Variants in TCF20 observed in about 807,000 individuals in gnomAD.
TCF20 encodes SPRE-binding protein.
A neutral mutation model predicts 148.6 loss-of-function variants in TCF20; 3 were observed. That is an observed-to-expected ratio of 0.02 (90% CI 0.01 to 0.05). The LOEUF (loss-of-function observed/expected upper bound fraction) is 0.05. TCF20 is among the 10% of genes least tolerant of loss of function. The pLI, the probability that TCF20 is intolerant of heterozygous loss-of-function variation, is 1.00. For missense variants in TCF20, 2,350 were observed against 2,429.3 expected, an observed-to-expected ratio of 0.97 and a Z score of 0.69; for synonymous variants, 1,049 against 909.5, an observed-to-expected ratio of 1.15 and a Z score of -2.76.
chr22:42,171,245 T>A (rs1936117662), intron 3 of TCF20, among the ~76,000 whole-genome samples: 1 of 152,196 alleles, frequency 6.6e-6, no homozygotes. Flanking sequence ...GGTGGCAGAA[T>A]GTTAATAAAT....
At chr22:42,181,959 G>T (rs977144288) in intron 2 of TCF20, among the ~76,000 whole-genome samples, 2 of 152,158 alleles carry the variant, frequency 1.3e-5, no homozygotes, top group African/African-American at 4.8e-5. Flanking sequence ...CGCAGCCTCT[G>T]TGAGGATTAG....
chr22:42,181,547 G>T (rs1030227458), intron 2 of TCF20, among the ~76,000 whole-genome samples: 13 of 151,752 alleles, frequency 8.6e-5, no homozygotes, highest in African/African-American at 3.1e-4. Flanking sequence ...TTTCTGGTAG[G>T]AAAGTCTGCA....
rs983934737 is a variant in TCF20, at chr22:42,290,408, T to C, written c.-37+53071A>G. ...CACGGAATGAGAATCGTTCAGAATC[T>C]TTCATCTGCTCAAAATATAAAAACC... On this transcript the variant is annotated intron_variant, in intron 1 of 1. Coordinates refer to the TCF20 transcript ENST00000515426. The surrounding 1 kb of genome is among the most constrained non-coding windows in gnomAD (Gnocchi z 4.2). 2.6e-5 allele frequency among the ~76,000 whole-genome samples: 4 copies of C among 152,196 alleles called. No homozygotes were observed. The highest frequency in any genetic ancestry group is 4.8e-5 in the African/African-American group (2 of 41,448).
intron 2 of TCF20, among the ~76,000 whole-genome samples, chr22:42,193,935 T>C (rs1937469332): frequency 1.3e-5 from 2 of 152,178 alleles, no homozygotes; most frequent in Admixed American, 6.5e-5. Context: ...TTCTATCACA[T>C]GACTTTTCTT....
intron 1 of TCF20, chr22:42,276,456 ACT>A (rs1456401722): frequency 6.6e-6 from 1 of 151,510 alleles, no homozygotes; most frequent in East Asian, 1.9e-4. Flanking sequence ...AAGAGTCCTG[ACT>A]CTTATGTGCT....
intron 1 of TCF20, among the ~76,000 whole-genome samples, chr22:42,255,140 G>C (rs1925659335): frequency 6.6e-6 from 1 of 151,772 alleles, no homozygotes. Flanking sequence ...TAACTTTTTT[G>C]TCAAATGTTT....
intron 1 of TCF20, among the ~76,000 whole-genome samples, chr22:42,234,139 C>T (rs757566747): frequency 1.3e-5 from 2 of 152,126 alleles, no homozygotes; most frequent in African/African-American, 4.8e-5. Context: ...TCCTAATTTA[C>T]GAGCAGAAGT....
chr22:42,327,511 C>T (rs1927895809), intron 1 of TCF20, among the ~76,000 whole-genome samples: 2 of 152,194 alleles, frequency 1.3e-5, no homozygotes, highest in Non-Finnish European at 2.9e-5. Context: ...AGACACGGCT[C>T]ACTCATTTCC....
chr22:42,233,574 A>G (rs1369670837), intron 1 of TCF20, among the ~76,000 whole-genome samples: 3 of 152,228 alleles, frequency 2.0e-5, no homozygotes, highest in Non-Finnish European at 2.9e-5. Context: ...ACAAGCCATG[A>G]TAAGCATTAC....
chr22:42,324,110 T>A (rs375038705), intron 1 of TCF20, among the ~76,000 whole-genome samples: 11 of 131,730 alleles, frequency 8.4e-5, no homozygotes, highest in African/African-American at 2.4e-4. Context: ...ATGGTGGTGG[T>A]GGTGGTGGTG....
intron 1 of TCF20, among the ~76,000 whole-genome samples, chr22:42,328,547 G>A (rs1304556641): frequency 1.3e-5 from 2 of 152,090 alleles, no homozygotes; most frequent in African/African-American, 4.8e-5. Flanking sequence ...GCACATCCAG[G>A]CTCTAGCTTC....
Position 42,259,472 on chromosome 22 carries a change from A to T in TCF20, c.-37+10867T>A, listed in dbSNP as rs548054096. 2.3e-4 allele frequency among the ~76,000 whole-genome samples: 35 copies of T among 152,310 alleles called. No homozygotes were observed. The South Asian group carries it at 6.4e-3, about 28-fold the overall frequency. On this transcript the variant is annotated intron_variant, in intron 1 of 5. Transcript: ENST00000677622. ...GATATACATGCAACCTCCAAGTCTT[A>T]ATCTATAGCCCAGTTCCTTCTCCTA...
At chr22:42,321,219 C>T (rs1032837807) in intron 1 of TCF20, among the ~76,000 whole-genome samples, 1 of 152,218 alleles carries the variant, frequency 6.6e-6, no homozygotes, top group Non-Finnish European at 1.5e-5. Flanking sequence ...ACAGGCGGCA[C>T]TTCAGGGCAT....
rs17002958 is a variant in TCF20 at position 42,296,852 on chromosome 22, C to T, written c.-37+46627G>A. Among the ~76,000 whole-genome samples, 772 of 152,338 alleles carry T rather than the reference C, an allele frequency of 5.1e-3. 6 individuals carry two copies. Among genetic ancestry groups the T allele is most frequent in the African/African-American group, 0.017 (716 of 41,578 alleles). ...GCTCAGCTTTTCGCGAATGAGAAAG[C>T]AGCACGAGGAGCAGGGGGAGATTTT... On this transcript the variant is annotated intron_variant, in intron 1 of 1. Coordinates refer to the TCF20 transcript ENST00000515426.
chr22:42,181,891 C>A (rs565768810), intron 2 of TCF20, among the ~76,000 whole-genome samples: 5 of 152,148 alleles, frequency 3.3e-5, no homozygotes, highest in Non-Finnish European at 4.4e-5. Flanking sequence ...AGATTACAAG[C>A]ATGAAAGTTT....
intron 2 of TCF20, among the ~76,000 whole-genome samples, chr22:42,180,635 C>G (rs1375642550): frequency 1.3e-5 from 2 of 152,182 alleles, no homozygotes; most frequent in South Asian, 2.1e-4. Context: ...TAAGCAATTA[C>G]ACTGAGCTGG....
chr22:42,292,891 C>G lies in TCF20; in HGVS notation c.-37+50588G>C, dbSNP rs548507354. 6.6e-6 allele frequency among the ~76,000 whole-genome samples: 1 copy of G among 150,514 alleles called. No homozygotes were observed. Among genetic ancestry groups the G allele is most frequent in the Non-Finnish European group, 1.5e-5 (1 of 67,666 alleles). ...GGTGTGACCCTTCCACTGTCCCCAGCGCTGGATACTAGATCCCACATCCCC... is the reference window on the plus strand; with the variant it reads ...GGTGTGACCCTTCCACTGTCCCCAGGGCTGGATACTAGATCCCACATCCCC... On this transcript the variant is annotated intron_variant, in intron 1 of 1. Transcript: ENST00000515426. This position sits in a 1 kb window ranked among gnomAD's most constrained non-coding sequence, Gnocchi z 4.9.
At chr22:42,331,689 G>C (rs1927977613) in intron 1 of TCF20, among the ~76,000 whole-genome samples, 1 of 152,268 alleles carries the variant, frequency 6.6e-6, no homozygotes, top group Non-Finnish European at 1.5e-5. Context: ...GATGGTGCAG[G>C]TGTGGAAAGC....
chr22:42,208,151 C>G (rs916814631), intron 2 of TCF20, among the ~76,000 whole-genome samples: 1 of 152,094 alleles, frequency 6.6e-6, no homozygotes, highest in Admixed American at 6.5e-5. Context: ...GCACTCCAGC[C>G]TGGGTAAGGG....
Sources: gnomAD v4.1 joint callset for allele counts (sites outside exome capture counted in the v4.1 genomes callset) on GRCh38, gnomAD v4.1.1 for gene constraint, Gnocchi (gnomAD v3.1) non-coding constraint, MANE v1.5 for transcripts, NCBI Gene and HGNC (gene_info 2026-07-23, HGNC 2026-07-21) for gene names.